Variants in SPARCL1 observed in about 807,000 individuals in gnomAD.
SPARCL1 encodes the protein SPARC like 1.
A neutral mutation model predicts 67.1 loss-of-function variants in SPARCL1; 52 were observed. The observed-to-expected ratio is 0.78, with a 90% CI of 0.62 to 0.98. SPARCL1 has a LOEUF of 0.98. Ranked by LOEUF, SPARCL1 falls within the 50% of genes least tolerant of loss-of-function variation. The pLI is 0.00. For synonymous variants in SPARCL1, 226 were observed against 267.8 expected, an observed-to-expected ratio of 0.84 and a Z score of 1.52; for missense variants, 717 against 782.4, an observed-to-expected ratio of 0.92 and a Z score of 1.00.
At chr4:87,479,718 G>T in intron 9 of SPARCL1, 140 bp from the exon 10 acceptor site, 1 of 739,210 alleles carries the variant, frequency 1.4e-6, no homozygotes, top group Non-Finnish European at 2.2e-6. Flanking sequence ...AACTGCCAAC[G>T]AAATAAAGTA....
intron 10 of SPARCL1, among the ~76,000 whole-genome samples, chr4:87,478,539 G>A (rs1723674584): frequency 6.6e-6 from 1 of 151,558 alleles, no homozygotes; most frequent in Non-Finnish European, 1.5e-5. Flanking sequence ...CCGGGTTCAA[G>A]CAATTCTCCT....
intron 5 of SPARCL1, among the ~76,000 whole-genome samples, chr4:87,491,213 A>G (rs1724312646): frequency 6.6e-6 from 1 of 152,188 alleles, no homozygotes; most frequent in African/African-American, 2.4e-5. Context: ...ACGTTGTGCA[A>G]GCTGGTCAGA....
chr4:87,493,456 G>T (rs1724437722), intron 4 of SPARCL1, 126 bp downstream of exon 4: 1 of 782,814 alleles, frequency 1.3e-6, no homozygotes, highest in Non-Finnish European at 2.0e-6. Context: ...AGAAATAACT[G>T]TAATATATTT....
At chr4:87,485,751 T>C (rs2110218392) in intron 7 of SPARCL1, among the ~76,000 whole-genome samples, 1 of 152,268 alleles carries the variant, frequency 6.6e-6, no homozygotes, top group South Asian at 2.1e-4. Context: ...GAACTTGTTA[T>C]TGGTCTATTC....
intron 1 of SPARCL1, among the ~76,000 whole-genome samples, chr4:87,503,683 CTTT>C (rs60057481): frequency 1.4e-5 from 2 of 138,056 alleles, no homozygotes. Flanking sequence ...TTTTTTTTTC[CTTT>C]TTTTTTTTTT....
Position 87,494,180 on chromosome 4 carries a change from T to C in SPARCL1, c.620A>G (p.Glu207Gly), listed in dbSNP as rs1724503810. 3 of 1,614,042 alleles carry C rather than the reference T, an allele frequency of 1.9e-6. No homozygotes were observed. The highest frequency in any genetic ancestry group is 4.5e-5 in the East Asian group (2 of 44,874). ...ISNGEEEEEK[E>G]PGEVGTHNDN... ...ATTGTGGGTACCAACTTCACCTGGCTCTTTTTCTTCTTCCTCTTCTCCATT... is the reference window on the plus strand; with the variant it reads ...ATTGTGGGTACCAACTTCACCTGGCCCTTTTTCTTCTTCCTCTTCTCCATT... Residue 207 changes from glutamate (E) to glycine (G), a missense_variant, in exon 4 of 11, where the codon GAG (glutamate) becomes GGG (glycine). By Grantham distance (98) the Glu-to-Gly change is moderately conservative (BLOSUM62 -2). Coordinates refer to ENST00000282470, the MANE Select transcript of SPARCL1 (RefSeq NM_004684.6).
intron 7 of SPARCL1, among the ~76,000 whole-genome samples, chr4:87,489,385 C>G (rs1234574710): frequency 6.6e-6 from 1 of 152,188 alleles, no homozygotes; most frequent in Non-Finnish European, 1.5e-5. Flanking sequence ...AGGCAACACC[C>G]CACCCTACTT....
chr4:87,502,807 T>C (rs1724905856), intron 1 of SPARCL1, among the ~76,000 whole-genome samples: 1 of 152,212 alleles, frequency 6.6e-6, no homozygotes, highest in South Asian at 2.1e-4. Context: ...GGACAGGGCT[T>C]GGAGGGCTTC....
At chr4:87,525,368 C>T (rs1725998865) in intron 1 of SPARCL1, among the ~76,000 whole-genome samples, 1 of 152,036 alleles carries the variant, frequency 6.6e-6, no homozygotes, top group Non-Finnish European at 1.5e-5. Flanking sequence ...AAGACAGAGG[C>T]ACAGAATGGA....
intron 1 of SPARCL1, among the ~76,000 whole-genome samples, chr4:87,515,400 T>C (rs1169136749): frequency 6.6e-6 from 1 of 152,236 alleles, no homozygotes; most frequent in African/African-American, 2.4e-5. Context: ...ATGAAAGATG[T>C]TATCATATCT....
intron 1 of SPARCL1, among the ~76,000 whole-genome samples, chr4:87,522,988 C>T (rs781278599): frequency 2.0e-5 from 3 of 152,178 alleles, no homozygotes; most frequent in Non-Finnish European, 4.4e-5. Context: ...GAGCTGGGCA[C>T]AGTGGCTCAT....
intron 1 of SPARCL1, among the ~76,000 whole-genome samples, chr4:87,512,986 G>A (rs935676143): frequency 1.3e-4 from 20 of 152,108 alleles, no homozygotes; most frequent in African/African-American, 3.9e-4. Flanking sequence ...TACCATCTTG[G>A]TAAATCCTGG....
chr4:87,478,129 C>T lies in SPARCL1; in HGVS notation c.1966+1301G>A, dbSNP rs141728106. 2.5e-3 allele frequency among the ~76,000 whole-genome samples: 385 copies of T among 152,180 alleles called. 1 individual carries two copies. Among genetic ancestry groups the T allele is most frequent in the East Asian group, 0.011 (56 of 5,172 alleles). On this transcript the variant is annotated intron_variant, in intron 10 of 10. Transcript: ENST00000282470. Reference sequence around the variant, plus strand: ...CATTTGATGAACTGACTTTCTTTAACGGCTTAGCTGCATGTTTATCCCAAG... The same window carrying T: ...CATTTGATGAACTGACTTTCTTTAATGGCTTAGCTGCATGTTTATCCCAAG...
intron 1 of SPARCL1, among the ~76,000 whole-genome samples, chr4:87,527,223 G>A (rs948903736): frequency 6.6e-6 from 1 of 152,192 alleles, no homozygotes; most frequent in African/African-American, 2.4e-5. Context: ...GGCAGAAGAT[G>A]CCCTGTGAGC....
rs1175685456 is a variant in SPARCL1 at position 87,495,022 on chromosome 4, T to C, written c.160A>G (p.Lys54Glu). The C allele has an allele frequency of 6.2e-7, 1 of 1,612,930 alleles. No individual in the cohort carries two copies. Among genetic ancestry groups the C allele is most frequent in the Admixed American group, 1.7e-5 (1 of 59,730 alleles). The change falls in exon 3 of 11, where the codon AAA (lysine) becomes GAA (glutamate). Residue 54 changes from lysine to glutamate, a missense_variant. Lys to Glu is a moderately conservative substitution (Grantham distance 56). Transcript: ENST00000282470. ...SLRAEAEENE[K>E]ETAVSTEDDS... Reference sequence around the variant, plus strand: ...TCTTCTGTGGATACTGCTGTTTCTTTTTCATTTTCTTCAGCTTCAGCCCTT... The same window carrying C: ...TCTTCTGTGGATACTGCTGTTTCTTCTTCATTTTCTTCAGCTTCAGCCCTT...
chr4:87,479,599 T>A, intron 9 of SPARCL1, 21 bp from the exon 10 acceptor site: 1 of 1,611,046 alleles, frequency 6.2e-7, no homozygotes, highest in Non-Finnish European at 8.5e-7. Flanking sequence ...ATACATGGCA[T>A]CCTATTAATT....
At chr4:87,495,186 G>GCAT in intron 2 of SPARCL1, 59 bp from the exon 3 acceptor site, 1 of 1,439,496 alleles carries the variant, frequency 6.9e-7, no homozygotes, top group Non-Finnish European at 9.6e-7. Flanking sequence ...TTACAAATTT[G>GCAT]CTAGTTACTC....
chr4:87,518,386 G>A (rs761935592), intron 1 of SPARCL1, among the ~76,000 whole-genome samples: 4 of 152,148 alleles, frequency 2.6e-5, no homozygotes, highest in African/African-American at 7.2e-5. Context: ...GCTTGAGCCC[G>A]GGAGTTTGAG....
At chr4:87,478,003 C>T (rs1455712113) in intron 10 of SPARCL1, among the ~76,000 whole-genome samples, 3 of 152,334 alleles carry the variant, frequency 2.0e-5, no homozygotes, top group African/African-American at 7.2e-5. Context: ...AATCCTCATA[C>T]TTTCACCTCT....
Sources: allele counts gnomAD v4.1 joint callset (sites outside exome capture counted in the v4.1 genomes callset), GRCh38; gene constraint gnomAD v4.1.1; transcripts MANE v1.5; gene names NCBI Gene and HGNC (gene_info 2026-07-23, HGNC 2026-07-21).